Variants in SLC30A8 observed in about 807,000 individuals in gnomAD.
The protein encoded by SLC30A8 is proton-coupled zinc antiporter SLC30A8.
In SLC30A8, 27 loss-of-function variants were observed where a neutral mutation model predicts 36.9. The ratio of observed to expected loss-of-function variants is 0.73; its 90% CI spans 0.54 to 1.01. SLC30A8 has a LOEUF of 1.01. Among genes scored for constraint, SLC30A8 ranks in the 50% least tolerant of loss-of-function variants. SLC30A8 has a pLI of 0.00. For synonymous variants in SLC30A8, 164 were observed against 172.4 expected (o/e 0.95, Z 0.38); for missense variants, 439 against 452.0 (o/e 0.97, Z 0.26).
At chr8:117,071,344 ATCT>A (rs2130799038) in intron 2 of SLC30A8, among the ~76,000 whole-genome samples, 1 of 151,842 alleles carries the variant, frequency 6.6e-6, no homozygotes, top group South Asian at 2.1e-4. Context: ...CCATTTTTAT[ATCT>A]TCTTTTGAAG....
intron 2 of SLC30A8, among the ~76,000 whole-genome samples, chr8:117,099,044 G>C (rs1819594707): frequency 6.6e-6 from 1 of 152,174 alleles, no homozygotes; most frequent in Non-Finnish European, 1.5e-5. Flanking sequence ...TTCTAGCAGA[G>C]AGGGAATCAA....
intron 1 of SLC30A8, among the ~76,000 whole-genome samples, chr8:117,142,065 C>T (rs923668215): frequency 1.3e-5 from 2 of 152,122 alleles, no homozygotes; most frequent in African/African-American, 2.4e-5. Context: ...AGCCCAAGCT[C>T]TCAGCCTCTA....
At chr8:117,066,133 G>A (rs1014476763) in intron 2 of SLC30A8, among the ~76,000 whole-genome samples, 1 of 152,116 alleles carries the variant, frequency 6.6e-6, no homozygotes, top group African/African-American at 2.4e-5. Context: ...ACTTCCAATG[G>A]GGAAAAACAA....
At chr8:117,020,355 A>G (rs1816660692) in intron 1 of SLC30A8, among the ~76,000 whole-genome samples, 1 of 152,230 alleles carries the variant, frequency 6.6e-6, no homozygotes, top group East Asian at 1.9e-4. Context: ...AAATTGGCAA[A>G]CATTGAAATT....
chr8:117,045,336 C>T (rs1817517498), intron 2 of SLC30A8, among the ~76,000 whole-genome samples: 1 of 152,042 alleles, frequency 6.6e-6, no homozygotes, highest in Non-Finnish European at 1.5e-5. Flanking sequence ...CATCGTTCCC[C>T]CACCGTACTT....
At position 117,010,085 on chromosome 8, in the gene SLC30A8, G is replaced by GGACA. The variant is rs550277942; in HGVS notation, c.-265-29132_-265-29129dup. On this transcript the variant is annotated intron_variant, in intron 1 of 10. Transcript: ENST00000427715. ...GAGTTTTATCAGAGGGTAAGCCTAG[G>GGACA]GACAGCACATGTAAAAAAATTGGAG... Among the ~76,000 whole-genome samples, 250 of 152,264 alleles carry GGACA rather than the reference G, an allele frequency of 1.6e-3. 2 individuals carry two copies. Among genetic ancestry groups the GGACA allele is most frequent in the African/African-American group, 5.6e-3 (232 of 41,550 alleles).
At chr8:117,072,837 C>CT (rs59816392) in intron 2 of SLC30A8, among the ~76,000 whole-genome samples, 3,004 of 139,758 alleles carry the variant, frequency 0.021, 64 homozygotes, top group African/African-American at 0.05. Flanking sequence ...AATCCTACTA[C>CT]TTTTTTTTTT....
intron 1 of SLC30A8, among the ~76,000 whole-genome samples, chr8:116,972,940 C>G (rs906992741): frequency 2.6e-5 from 4 of 152,142 alleles, no homozygotes; most frequent in Non-Finnish European, 5.9e-5. Context: ...GTTTTAGTCT[C>G]TCCAAAATTC....
chr8:117,047,943 A>G (rs1307499776), intron 2 of SLC30A8, among the ~76,000 whole-genome samples: 3 of 152,232 alleles, frequency 2.0e-5, no homozygotes, highest in Non-Finnish European at 4.4e-5. Flanking sequence ...TACAAATGCC[A>G]TGGCAACATC....
At chr8:116,983,050 A>T (rs1045009287) in intron 1 of SLC30A8, among the ~76,000 whole-genome samples, 2 of 152,140 alleles carry the variant, frequency 1.3e-5, no homozygotes, top group South Asian at 2.1e-4. Flanking sequence ...TACCTTTCAA[A>T]CCATTTTGAC....
chr8:117,060,630 T>C (rs1190874548), intron 2 of SLC30A8, among the ~76,000 whole-genome samples: 1 of 152,202 alleles, frequency 6.6e-6, no homozygotes, highest in Non-Finnish European at 1.5e-5. Flanking sequence ...AGATTCTTCC[T>C]TCCATTTCCC....
At chr8:117,050,546 C>T (rs566863590) in intron 2 of SLC30A8, among the ~76,000 whole-genome samples, 13 of 152,032 alleles carry the variant, frequency 8.6e-5, no homozygotes, top group Admixed American at 3.9e-4. Flanking sequence ...GCTGGGATTA[C>T]AGGCGAGCAC....
rs1191180666 is a variant in SLC30A8 at position 117,173,366 on chromosome 8, G to C, written c.*685G>C. On this transcript the variant is annotated 3_prime_UTR_variant, in exon 8 of 8. Coordinates refer to ENST00000456015, the MANE Select transcript of SLC30A8 (RefSeq NM_173851.3). The stretch of plus-strand genomic sequence containing the variant: ...AGGAAATATTTTCACCTACCAGAGT[G>C]CTTAAACACTGGCACCAGCCAAAGA... The C allele has an allele frequency of 6.6e-6, 1 of 152,108 alleles. No individual in the cohort carries two copies. Among genetic ancestry groups the C allele is most frequent in the African/African-American group, 2.4e-5 (1 of 41,432 alleles). 9.4% of individuals were successfully genotyped at this position (152,108 alleles called of 1,614,324 possible). A position where few individuals can be genotyped will look rare whatever the true frequency, so the allele number is the denominator to read the frequency against.
At chr8:117,151,470 G>A (rs1736319724) in intron 2 of SLC30A8, among the ~76,000 whole-genome samples, 1 of 152,234 alleles carries the variant, frequency 6.6e-6, no homozygotes, top group African/African-American at 2.4e-5. Context: ...CTATGCATCA[G>A]TGACTGCCCG....
chr8:117,057,334 C>G (rs921469406), intron 2 of SLC30A8, among the ~76,000 whole-genome samples: 1 of 152,066 alleles, frequency 6.6e-6, no homozygotes, highest in Non-Finnish European at 1.5e-5. Context: ...TAACGCTTAC[C>G]ACAATTGAAT....
intron 2 of SLC30A8, among the ~76,000 whole-genome samples, chr8:117,097,084 A>G (rs1467759785): frequency 6.6e-6 from 1 of 152,024 alleles, no homozygotes; most frequent in Non-Finnish European, 1.5e-5. Context: ...TATTAAATCA[A>G]TAAACATATA....
At chr8:116,976,372 T>C (rs1050780900) in intron 1 of SLC30A8, among the ~76,000 whole-genome samples, 2 of 152,092 alleles carry the variant, frequency 1.3e-5, no homozygotes, top group African/African-American at 4.8e-5. Context: ...TACAAGCCGA[T>C]GTAAGCCAGA....
chr8:117,099,758 C>T (rs1223437708), intron 2 of SLC30A8, among the ~76,000 whole-genome samples: 6 of 152,078 alleles, frequency 3.9e-5, no homozygotes, highest in East Asian at 1.9e-4. Context: ...ATACACTAAC[C>T]GATGGAAGGG....
intron 1 of SLC30A8, among the ~76,000 whole-genome samples, chr8:116,975,127 A>G (rs1814943478): frequency 6.6e-6 from 1 of 152,092 alleles, no homozygotes; most frequent in South Asian, 2.1e-4. Context: ...AACATGGCAC[A>G]TGTGTACATA....
Sources: allele counts gnomAD v4.1 joint callset (sites outside exome capture counted in the v4.1 genomes callset), GRCh38; gene constraint gnomAD v4.1.1; transcripts MANE v1.5; gene names NCBI Gene and HGNC (gene_info 2026-07-23, HGNC 2026-07-21).